Variants in DERPC observed in about 807,000 individuals in gnomAD.
DERPC encodes the protein DERPC proline and glycine rich nuclear protein, also known as decreased expression in renal and prostate cancer protein.
DERPC carries 1 observed loss-of-function variant against 7.2 expected under a neutral mutation model. The observed-to-expected ratio is 0.14, with a 90% CI of 0.05 to 0.66. The LOEUF is 0.66. DERPC is among the 30% of genes least tolerant of loss of function. The probability of loss-of-function intolerance (pLI) is 0.84; values close to 1 mark genes in which losing one functional copy is unlikely to be tolerated. For synonymous variants in DERPC, 185 were observed against 117.6 expected, an observed-to-expected ratio of 1.57 and a Z score of -3.71; for missense variants, 502 against 299.4, an observed-to-expected ratio of 1.68 and a Z score of -4.99.
rs955634911 is a variant in DERPC, at chr16:69,127,745, G to C, written c.-280+4739C>G. 2.4e-4 allele frequency among the ~76,000 whole-genome samples: 36 copies of C among 147,238 alleles called. 1 individual carries two copies. Among genetic ancestry groups the C allele is most frequent in the African/African-American group, 8.6e-4 (34 of 39,702 alleles). On this transcript the variant is annotated intron_variant, in intron 1 of 2. Transcript: ENST00000519520. ...CTGCCTCAGCCTCCCAAGTAGCTGG[G>C]ACTACAGGCGCCCGCCACCACACCC...
At chr16:69,131,979 C>T (rs1030820746) in intron 1 of DERPC, 1 of 152,876 alleles carries the variant, frequency 6.5e-6, no homozygotes. Flanking sequence ...CCCCGAACTC[C>T]CCTTTCTGCT....
chr16:69,128,631 GCA>G (rs1962264351), intron 1 of DERPC, among the ~76,000 whole-genome samples: 1 of 152,114 alleles, frequency 6.6e-6, no homozygotes, highest in Non-Finnish European at 1.5e-5. Context: ...AAAGGCACCA[GCA>G]TTCAAAGAAT....
At chr16:69,131,378 AG>A (rs1962499046) in intron 1 of DERPC, 1 of 152,070 alleles carries the variant, frequency 6.6e-6, no homozygotes, top group Non-Finnish European at 1.5e-5. Flanking sequence ...GCTACTCTGC[AG>A]CCCCATCTTA....
rs1421807060 is a variant in DERPC, at chr16:69,119,041, G to A, written c.1388C>T (p.Pro463Leu). The stretch of plus-strand genomic sequence containing the variant: ...CAGGGTCCCAGTTGGCCTTGTGAAA[G>A]GAGCTGGGTTGATACCCACAGGGCC... ...PAGPVGINPA[P>L]FTRPTGTLGL... is the part of the protein sequence containing the mutation. Residue 463 changes from proline to leucine, a missense_variant, in exon 3 of 3, where the codon CCT becomes CTT. Coordinates refer to ENST00000519520, the MANE Select transcript of DERPC (RefSeq NM_001002847.4). 1.1e-5 allele frequency: 8 copies of A among 702,966 alleles called. No individual in the cohort carries two copies. In the African/African-American group the frequency reaches 1.2e-4, roughly 11 times the overall value. The allele number at this position is 702,966 out of a possible 1,614,324, so 43.5% of individuals were successfully genotyped here.
chr16:69,119,411 G>C lies in DERPC; in HGVS notation c.1018C>G (p.Pro340Ala). The change falls in exon 3 of 3, where the codon CCC becomes GCC. Residue 340 changes from proline (P) to alanine (A), a missense_variant. Physicochemically the swap from Pro to Ala is conservative, Grantham distance 27. Transcript: ENST00000519520. ...NPSPMSRAPG[P>A]IGPNSAHFSR... ...AAATGAGCTGAATTAGGGCCTATGG[G>C]GCCAGGAGCCCTTGACATGGGAGAT... 1.4e-6 allele frequency: 1 copy of C among 702,926 alleles called. No homozygotes were observed. The highest frequency in any genetic ancestry group is 2.6e-6 in the Non-Finnish European group (1 of 384,976). 43.5% of individuals were successfully genotyped at this position (702,926 alleles called of 1,614,324 possible).
intron 1 of DERPC, among the ~76,000 whole-genome samples, chr16:69,123,925 T>TAAAAAAAAAA (rs757493986): frequency 1.3e-5 from 1 of 76,962 alleles, no homozygotes; most frequent in African/African-American, 4.9e-5. Flanking sequence ...CCATCTCTAC[T>TAAAAAAAAAA]AAAAAAAAAA....
At chr16:69,128,881 T>C (rs1255347205) in intron 1 of DERPC, among the ~76,000 whole-genome samples, 2 of 151,104 alleles carry the variant, frequency 1.3e-5, no homozygotes, top group African/African-American at 2.4e-5. Context: ...TTGACCAACA[T>C]GGTGAAACCC....
rs1317809004 is a variant in DERPC at position 69,124,676 on chromosome 16, ATTTC to A, written c.-279-3187_-279-3184del. Among the ~76,000 whole-genome samples, 7 of 151,836 alleles carry A rather than the reference ATTTC, an allele frequency of 4.6e-5. No homozygotes were observed. The East Asian group carries it at 5.8e-4, about 13-fold the overall frequency. The stretch of plus-strand genomic sequence containing the variant: ...AGGAGTGAGCCACCACCCCCAGCCG[ATTTC>A]TTTAAGAGACAGGTCTTACTATGTT... On this transcript the variant is annotated intron_variant, in intron 1 of 2. Transcript: ENST00000519520.
chr16:69,124,666 C>A (rs1961930080), intron 1 of DERPC, among the ~76,000 whole-genome samples: 1 of 152,008 alleles, frequency 6.6e-6, no homozygotes, highest in Admixed American at 6.6e-5. Flanking sequence ...TGAGCCACCA[C>A]CCCCAGCCGA....
intron 2 of DERPC, 30 bp downstream of exon 2, chr16:69,121,406 C>G (rs118093016): frequency 6.3e-7 from 1 of 1,590,516 alleles, no homozygotes. Context: ...TCATTTCAAG[C>G]CAAATTTTAA....
Position 69,119,354 on chromosome 16 carries a change from C to T in DERPC, c.1075G>A (p.Ala359Thr). 1 of 703,068 alleles carries T rather than the reference C, an allele frequency of 1.4e-6. No individual in the cohort carries two copies. The highest frequency in any genetic ancestry group is 2.6e-6 in the Non-Finnish European group (1 of 385,012). 43.6% of individuals were successfully genotyped at this position (703,068 alleles called of 1,614,324 possible). A position where few individuals can be genotyped will look rare whatever the true frequency, so the allele number is the denominator to read the frequency against. Residue 359 changes from alanine (A) to threonine (T), a missense_variant, in exon 3 of 3, where the codon GCC becomes ACC. Ala to Thr is a moderately conservative substitution (Grantham distance 58, BLOSUM62 0). Coordinates refer to ENST00000519520, the MANE Select transcript of DERPC (RefSeq NM_001002847.4). Reference sequence around the variant, plus strand: ...CCTGCTCCCCTGGGAAAGGGATTGGCATTTACCCCCATGGGGCCAACTGGC... The same window carrying T: ...CCTGCTCCCCTGGGAAAGGGATTGGTATTTACCCCCATGGGGCCAACTGGC... Reference protein sequence around the residue: ...SRPVGPMGVNANPFPRGAGSS... With the variant: ...SRPVGPMGVNTNPFPRGAGSS...
At position 69,118,040 on chromosome 16, in the gene DERPC, T is replaced by C; in HGVS notation, c.*814A>G. 1 of 392,976 alleles carries C rather than the reference T, an allele frequency of 2.5e-6. No homozygotes were observed. The highest frequency in any genetic ancestry group is 4.1e-5 in the Admixed American group (1 of 24,588). The allele number at this position is 392,976 out of a possible 1,614,324, so 24.3% of individuals were successfully genotyped here. ...CTCATCCCATTTATTAAAGAAACAG[T>C]AAGAAAAGATACAATGCAGGAAAAC... On this transcript the variant is annotated 3_prime_UTR_variant, in exon 3 of 3. Coordinates refer to ENST00000519520, the MANE Select transcript of DERPC (RefSeq NM_001002847.4).
At chr16:69,123,370 C>A (rs1327076976) in intron 1 of DERPC, among the ~76,000 whole-genome samples, 1 of 152,062 alleles carries the variant, frequency 6.6e-6, no homozygotes, top group Non-Finnish European at 1.5e-5. Flanking sequence ...AAAATAAAGC[C>A]AAGGGGGCCA....
chr16:69,120,041 T>G lies in DERPC; in HGVS notation c.388A>C (p.Asn130His). ...CCTGGCAGAGCCCCTGTCCTAGGGT[T>G]TAGGGTGGGGCCTGGGCCTGGGCCT... ...GPGPGPGPTL[N>H]PRTGALPGPG... Residue 130 changes from asparagine to histidine, a missense_variant, in exon 3 of 3, where the codon AAC (asparagine) becomes CAC (histidine). Transcript: ENST00000519520. The surrounding 1 kb of genome is among the most constrained non-coding windows in gnomAD (Gnocchi z 4.0). 2 of 689,614 alleles carry G rather than the reference T, an allele frequency of 2.9e-6. No homozygotes were observed. Among genetic ancestry groups the G allele is most frequent in the South Asian group, 3.0e-5 (2 of 66,498 alleles). The allele number at this position is 689,614 out of a possible 1,614,324, so 42.7% of individuals were successfully genotyped here. A position where few individuals can be genotyped will look rare whatever the true frequency, so the allele number is the denominator to read the frequency against.
chr16:69,121,961 G>A (rs535280915), intron 1 of DERPC, among the ~76,000 whole-genome samples: 122 of 151,684 alleles, frequency 8.0e-4, no homozygotes, highest in Non-Finnish European at 1.4e-3. Flanking sequence ...GAGCCACCGC[G>A]CCCGGCCCTA....
intron 2 of DERPC, chr16:69,121,185 C>T: frequency 6.2e-7 from 1 of 1,606,552 alleles, no homozygotes; most frequent in Non-Finnish European, 8.5e-7. Flanking sequence ...AAGCAAAGGG[C>T]TGGCGGTTAC....
At chr16:69,123,331 G>A (rs1961818791) in intron 1 of DERPC, among the ~76,000 whole-genome samples, 1 of 151,994 alleles carries the variant, frequency 6.6e-6, no homozygotes, top group South Asian at 2.1e-4. Context: ...TACCTCCTTG[G>A]TTATCAAGGT....
At position 69,120,409 on chromosome 16, in the gene DERPC, A is replaced by C. The variant is rs767846883; in HGVS notation, c.20T>G (p.Phe7Cys). 6.2e-7 allele frequency: 1 copy of C among 1,613,748 alleles called. No homozygotes were observed. The highest frequency in any genetic ancestry group is 1.1e-5 in the South Asian group (1 of 91,062). Residue 7 changes from phenylalanine to cysteine, a missense_variant, in exon 3 of 3, where the codon TTC (phenylalanine) becomes TGC (cysteine). Transcript: ENST00000519520. This position sits in a 1 kb window ranked among gnomAD's most constrained non-coding sequence, Gnocchi z 4.0. ...CCAAGGAGTTGGCCGCTCTCTAGGG[A>C]AAATCCGAGGTTCTTTCATACTTTC... MKEPRI[F>C]PRERPTPWTR...
At position 69,119,691 on chromosome 16, in the gene DERPC, G is replaced by T. The variant is rs1392353695; in HGVS notation, c.738C>A (p.Gly246=). The part of the protein sequence containing the change: ...PNPRPSGLGP[G]PNLDARAGGL... ...CACCTGCTCTGGCATCTAGATTAGG[G>T]CCTGGGCCCAGGCCACTTGGTCTTG... is the stretch of plus-strand genomic sequence containing the variant. Residue 246 remains glycine (G), a synonymous_variant, in exon 3 of 3, where the codon GGC becomes GGA. Transcript: ENST00000519520. 8 of 677,884 alleles carry T rather than the reference G, an allele frequency of 1.2e-5. No homozygotes were observed. Among genetic ancestry groups the T allele is most frequent in the South Asian group, 9.2e-5 (6 of 65,098 alleles). 42.0% of individuals were successfully genotyped at this position (677,884 alleles called of 1,614,324 possible).
Sources: gnomAD v4.1 joint callset for allele counts (sites outside exome capture counted in the v4.1 genomes callset) on GRCh38, gnomAD v4.1.1 for gene constraint, Gnocchi (gnomAD v3.1) non-coding constraint, MANE v1.5 for transcripts, NCBI Gene and HGNC (gene_info 2026-07-23, HGNC 2026-07-21) for gene names.